LDB2: variants seen among roughly 807,000 people sequenced by gnomAD.
LDB2 encodes the protein LIM domain-binding protein 2.
Under a neutral mutation model 44.3 loss-of-function variants are expected in LDB2, and 12 were observed. The ratio of observed to expected loss-of-function variants is 0.27; its 90% confidence interval spans 0.17 to 0.44. The LOEUF is 0.44. Among genes scored for constraint, LDB2 ranks in the 20% least tolerant of loss-of-function variants. The pLI, the probability that LDB2 is intolerant of heterozygous loss-of-function variation, is 1.00. For missense variants in LDB2, 344 were observed against 473.5 expected, an observed-to-expected ratio of 0.73 and a Z score of 2.54; for synonymous variants, 164 against 174.8, an observed-to-expected ratio of 0.94 and a Z score of 0.49.
chr4:16,513,360 C>G (rs774841351), intron 5 of LDB2, among the ~76,000 whole-genome samples: 14 of 152,194 alleles, frequency 9.2e-5, no homozygotes, highest in Non-Finnish European at 1.6e-4. Context: ...CTCTTCAGTT[C>G]TCCATAGCAC....
At chr4:16,776,528 G>A (rs969483525) in intron 1 of LDB2, among the ~76,000 whole-genome samples, 2 of 152,198 alleles carry the variant, frequency 1.3e-5, no homozygotes, top group African/African-American at 4.8e-5. Context: ...TGGAATGGGG[G>A]TAGTTACCTA....
chr4:16,890,557 C>A (rs978701184), intron 1 of LDB2, among the ~76,000 whole-genome samples: 6 of 152,164 alleles, frequency 3.9e-5, no homozygotes, highest in Admixed American at 1.3e-4. Flanking sequence ...AAGGGTGTGG[C>A]TACCAGGGCA....
intron 5 of LDB2, among the ~76,000 whole-genome samples, chr4:16,522,083 G>A (rs1726322051): frequency 6.6e-6 from 1 of 152,062 alleles, no homozygotes; most frequent in Non-Finnish European, 1.5e-5. Context: ...TAACTAGTGG[G>A]GTAACTAGCA....
chr4:16,843,644 CAG>C (rs1271951884), intron 1 of LDB2, among the ~76,000 whole-genome samples: 6 of 152,124 alleles, frequency 3.9e-5, no homozygotes, highest in Non-Finnish European at 7.3e-5. Context: ...TTTTCTGAGA[CAG>C]AGTCTCGCTC....
intron 5 of LDB2, among the ~76,000 whole-genome samples, chr4:16,543,196 C>A (rs375727029): frequency 2.0e-5 from 3 of 152,020 alleles, no homozygotes; most frequent in Admixed American, 6.6e-5. Flanking sequence ...GGTTGGTTCC[C>A]AGTCTTTGCT....
chr4:16,503,063 T>G, intron 7 of LDB2, 190 bp from the exon 8 acceptor site: 3 of 1,539,454 alleles, frequency 1.9e-6, no homozygotes, highest in Non-Finnish European at 2.6e-6. Context: ...CCTCCTGATG[T>G]GTAACAACCA....
intron 2 of LDB2, among the ~76,000 whole-genome samples, chr4:16,678,082 A>G (rs79338550): frequency 0.019 from 2,889 of 152,328 alleles, 88 homozygotes; most frequent in African/African-American, 0.065. Context: ...ATCAGTAGAT[A>G]GAGAAAGCAA....
chr4:16,871,496 G>A (rs921651311), intron 1 of LDB2, among the ~76,000 whole-genome samples: 2 of 152,150 alleles, frequency 1.3e-5, no homozygotes, highest in African/African-American at 4.8e-5. Flanking sequence ...CAATTCAGGA[G>A]AGCAGTGACT....
chr4:16,528,158 T>C (rs973762260), intron 5 of LDB2, among the ~76,000 whole-genome samples: 7 of 152,066 alleles, frequency 4.6e-5, no homozygotes, highest in Non-Finnish European at 1.0e-4. Flanking sequence ...AGCTAAGCTA[T>C]GAGGATGCAA....
At chr4:16,853,708 C>T (rs934939852) in intron 1 of LDB2, among the ~76,000 whole-genome samples, 3 of 152,178 alleles carry the variant, frequency 2.0e-5, no homozygotes, top group Non-Finnish European at 4.4e-5. Context: ...CCACAATAGT[C>T]AAGATGTGGG....
At position 16,824,277 on chromosome 4, in the gene LDB2, C is replaced by G. The variant is rs150691895; in HGVS notation, c.133-65017G>C. Reference sequence around the variant, plus strand: ...TGCTTTCATACAAAGCAGAATAGTACAAGTTAAATATCACTAGCTTTTAGA... The same window carrying G: ...TGCTTTCATACAAAGCAGAATAGTAGAAGTTAAATATCACTAGCTTTTAGA... On this transcript the variant is annotated intron_variant, in intron 1 of 7. Coordinates refer to ENST00000304523, the MANE Select transcript of LDB2 (RefSeq NM_001290.5). 2.6e-3 allele frequency among the ~76,000 whole-genome samples: 394 copies of G among 152,198 alleles called. 4 individuals are homozygous for G. The highest frequency in any genetic ancestry group is 9.1e-3 in the African/African-American group (379 of 41,528).
intron 2 of LDB2, among the ~76,000 whole-genome samples, chr4:16,755,750 TTACCCA>T (rs1351155596): frequency 6.6e-6 from 1 of 152,164 alleles, no homozygotes; most frequent in Non-Finnish European, 1.5e-5. Context: ...AGAGTCCACC[TTACCCA>T]AAGGATAGAA....
chr4:16,662,928 A>C (rs533580166), intron 2 of LDB2, among the ~76,000 whole-genome samples: 1 of 152,212 alleles, frequency 6.6e-6, no homozygotes, highest in South Asian at 2.1e-4. Flanking sequence ...TCCTTGAAAA[A>C]TAGAATCATT....
At chr4:16,634,656 G>A (rs917055469) in intron 2 of LDB2, among the ~76,000 whole-genome samples, 1 of 152,160 alleles carries the variant, frequency 6.6e-6, no homozygotes, top group African/African-American at 2.4e-5. Context: ...AGATGCTGGA[G>A]AGGTTGTGGA....
chr4:16,619,396 C>T (rs1300403791), intron 2 of LDB2, among the ~76,000 whole-genome samples: 1 of 152,140 alleles, frequency 6.6e-6, no homozygotes, highest in African/African-American at 2.4e-5. Context: ...ACCAGGACTG[C>T]ATTGATGCCA....
intron 2 of LDB2, among the ~76,000 whole-genome samples, chr4:16,747,032 T>C (rs1234096417): frequency 6.6e-6 from 1 of 152,120 alleles, no homozygotes; most frequent in South Asian, 2.1e-4. Flanking sequence ...TAATGAGAAA[T>C]AGAAAACTTC....
chr4:16,729,693 G>GA (rs1760327592), intron 2 of LDB2, among the ~76,000 whole-genome samples: 1 of 152,022 alleles, frequency 6.6e-6, no homozygotes, highest in African/African-American at 2.4e-5. Flanking sequence ...AGCTGATAAA[G>GA]AAAAAATACA....
chr4:16,588,561 G>A (rs1717816515), intron 4 of LDB2, 149 bp downstream of exon 4: 1 of 752,748 alleles, frequency 1.3e-6, no homozygotes, highest in Non-Finnish European at 2.1e-6. Context: ...TAAAACCGTT[G>A]AGAACAAAAC....
chr4:16,651,471 G>T (rs1321395724), intron 2 of LDB2, among the ~76,000 whole-genome samples: 1 of 152,076 alleles, frequency 6.6e-6, no homozygotes, highest in Non-Finnish European at 1.5e-5. Context: ...TGTTCCCCTT[G>T]CAAGTAAATA....
Sources: gnomAD v4.1 joint callset for allele counts (sites outside exome capture counted in the v4.1 genomes callset) on GRCh38, gnomAD v4.1.1 for gene constraint, MANE v1.5 for transcripts, NCBI Gene and HGNC (gene_info 2026-07-23, HGNC 2026-07-21) for gene names.